NTM: variants seen among roughly 807,000 people sequenced by gnomAD.
NTM encodes neurotrimin.
Under a neutral mutation model 42.1 loss-of-function variants are expected in NTM, and 13 were observed. The ratio of observed to expected loss-of-function variants is 0.31; its 90% CI spans 0.20 to 0.49. The LOEUF is 0.49. Among genes scored for constraint, NTM ranks in the 20% least tolerant of loss-of-function variants. The probability of loss-of-function intolerance (pLI) is 0.99; values close to 1 mark genes in which losing one functional copy is unlikely to be tolerated. For synonymous variants in NTM, 187 were observed against 179.2 expected, an observed-to-expected ratio of 1.04 and a Z score of -0.35; for missense variants, 373 against 452.8, an observed-to-expected ratio of 0.82 and a Z score of 1.60.
At chr11:131,878,651 G>T (rs1189538022) in intron 1 of NTM, among the ~76,000 whole-genome samples, 28 of 116,494 alleles carry the variant, frequency 2.4e-4, no homozygotes, top group African/African-American at 2.7e-4. Flanking sequence ...AATGTCTTAT[G>T]TTCATACAGC....
At chr11:131,436,946 C>T (rs188837416) in intron 1 of NTM, among the ~76,000 whole-genome samples, 30 of 152,326 alleles carry the variant, frequency 2.0e-4, no homozygotes, top group African/African-American at 7.2e-4. Context: ...CCTCTACACA[C>T]TGCTTTAAAT....
chr11:132,149,610 C>A (rs990839352), intron 3 of NTM, among the ~76,000 whole-genome samples: 4 of 152,146 alleles, frequency 2.6e-5, no homozygotes, highest in Non-Finnish European at 4.4e-5. Flanking sequence ...ATCCCATCTA[C>A]CCCCTAGTTC....
intron 2 of NTM, among the ~76,000 whole-genome samples, chr11:132,128,056 T>C (rs1457998865): frequency 6.6e-6 from 1 of 152,202 alleles, no homozygotes; most frequent in Non-Finnish European, 1.5e-5. Flanking sequence ...TCCTTTTCCC[T>C]GTGACCATCA....
chr11:131,653,916 G>C (rs1040750587), intron 1 of NTM, among the ~76,000 whole-genome samples: 3 of 152,242 alleles, frequency 2.0e-5, no homozygotes, highest in African/African-American at 7.2e-5. Context: ...AGGAAGGTGG[G>C]CAGGTGCTCA....
intron 1 of NTM, among the ~76,000 whole-genome samples, chr11:131,519,632 T>G (rs1385302179): frequency 1.1e-4 from 16 of 141,534 alleles, no homozygotes; most frequent in South Asian, 7.1e-4. Flanking sequence ...AGCTGTGGAG[T>G]TAGTTATGAC....
intron 1 of NTM, among the ~76,000 whole-genome samples, chr11:131,750,007 A>G (rs1172153180): frequency 6.6e-6 from 1 of 152,196 alleles, no homozygotes; most frequent in East Asian, 1.9e-4. Context: ...TGCTCCGAGA[A>G]TGCCAGATGA....
At chr11:131,746,762 A>C (rs914500784) in intron 1 of NTM, among the ~76,000 whole-genome samples, 13 of 152,088 alleles carry the variant, frequency 8.5e-5, no homozygotes, top group African/African-American at 3.1e-4. Context: ...CATTTTTATA[A>C]AACTTTGAAT....
chr11:132,099,865 A>G (rs867946692), intron 2 of NTM, among the ~76,000 whole-genome samples: 5 of 152,152 alleles, frequency 3.3e-5, no homozygotes, highest in Non-Finnish European at 5.9e-5. Context: ...CTGAAACAGT[A>G]GGGGCGCCAT....
At chr11:131,739,765 T>C (rs1414241789) in intron 1 of NTM, among the ~76,000 whole-genome samples, 1 of 152,156 alleles carries the variant, frequency 6.6e-6, no homozygotes, top group Non-Finnish European at 1.5e-5. Flanking sequence ...TCACACAAAG[T>C]CCCAGATGGG....
intron 3 of NTM, among the ~76,000 whole-genome samples, chr11:132,169,320 C>CTTTTTTTTTTTTCTTTTTTTTT (rs2075781426): frequency 3.1e-5 from 1 of 32,358 alleles, no homozygotes; most frequent in Non-Finnish European, 5.4e-5. Context: ...AATTTTTTTA[C>CTTTTTTTTTTTTCTTTTTTTTT]TTTTTTTTTT....
intron 1 of NTM, among the ~76,000 whole-genome samples, chr11:131,667,715 G>A (rs927054957): frequency 6.6e-6 from 1 of 152,200 alleles, no homozygotes; most frequent in Non-Finnish European, 1.5e-5. Flanking sequence ...CAGACCTTGA[G>A]ACTTTGAGGG....
chr11:131,414,142 G>A (rs914602044), intron 1 of NTM, among the ~76,000 whole-genome samples: 2 of 152,208 alleles, frequency 1.3e-5, no homozygotes, highest in Non-Finnish European at 2.9e-5. Context: ...GAGAAAAGGA[G>A]GAGCAGGGTA....
At chr11:131,444,677 G>C (rs531579260) in intron 1 of NTM, among the ~76,000 whole-genome samples, 1 of 152,132 alleles carries the variant, frequency 6.6e-6, no homozygotes, top group Non-Finnish European at 1.5e-5. Flanking sequence ...GTGTGGTTGT[G>C]GGGGGTGTGG....
chr11:131,894,098 G>A (rs1283764817), intron 1 of NTM, among the ~76,000 whole-genome samples: 4 of 152,198 alleles, frequency 2.6e-5, no homozygotes, highest in African/African-American at 7.2e-5. Context: ...AGTCAGCACC[G>A]AACACCTCTG....
chr11:131,589,957 C>T (rs528213749), intron 1 of NTM, among the ~76,000 whole-genome samples: 1 of 152,232 alleles, frequency 6.6e-6, no homozygotes, highest in Non-Finnish European at 1.5e-5. Context: ...AAGGGATACG[C>T]TCTTCCCCAG....
intron 1 of NTM, among the ~76,000 whole-genome samples, chr11:131,880,529 CAG>C (rs961074378): frequency 2.0e-4 from 30 of 152,316 alleles, no homozygotes; most frequent in Admixed American, 7.8e-4. Context: ...GCTCCTCACA[CAG>C]AGAGTTTCCT....
intron 3 of NTM, among the ~76,000 whole-genome samples, chr11:132,211,256 A>T (rs1019543055): frequency 2.0e-5 from 3 of 152,174 alleles, no homozygotes; most frequent in African/African-American, 7.2e-5. Flanking sequence ...AAACATAAAC[A>T]TTAACAAGGA....
At chr11:131,841,970 C>T (rs535335891) in intron 1 of NTM, among the ~76,000 whole-genome samples, 7 of 152,050 alleles carry the variant, frequency 4.6e-5, no homozygotes, top group South Asian at 4.1e-4. Flanking sequence ...CTAGAATGGG[C>T]GAATTCAAAT....
At chr11:132,100,579 T>G (rs991344568) in intron 2 of NTM, among the ~76,000 whole-genome samples, 16 of 152,226 alleles carry the variant, frequency 1.1e-4, no homozygotes, top group African/African-American at 3.9e-4. Flanking sequence ...TTTCTTCATT[T>G]CCTTTGGCCC....
Sources: allele counts gnomAD v4.1 joint callset (sites outside exome capture counted in the v4.1 genomes callset), GRCh38; gene constraint gnomAD v4.1.1; transcripts MANE v1.5; gene names NCBI Gene and HGNC (gene_info 2026-07-23, HGNC 2026-07-21).